The following AGBL4 variants were observed in gnomAD, a reference collection of about 807,000 sequenced individuals.
AGBL4 encodes the protein AGBL carboxypeptidase 4, also known as cytosolic carboxypeptidase 6.
In AGBL4, 58 loss-of-function variants were observed where a neutral mutation model predicts 66.4. The observed-to-expected ratio is 0.87, with a 90% CI of 0.71 to 1.09. The LOEUF is 1.09. Ranked by LOEUF, AGBL4 falls within the 50% of genes least tolerant of loss-of-function variation. The pLI is 0.00. For missense variants in AGBL4, 579 were observed against 631.0 expected, an observed-to-expected ratio of 0.92 and a Z score of 0.88; for synonymous variants, 234 against 222.9, an observed-to-expected ratio of 1.05 and a Z score of -0.44.
At chr1:48,789,449 T>C (rs888389593) in intron 6 of AGBL4, among the ~76,000 whole-genome samples, 3 of 151,942 alleles carry the variant, frequency 2.0e-5, no homozygotes, top group South Asian at 2.1e-4. Context: ...CCACCACGCT[T>C]GGCTAATTTT....
chr1:49,033,844 C>A (rs1664430046), intron 5 of AGBL4, among the ~76,000 whole-genome samples: 1 of 145,398 alleles, frequency 6.9e-6, no homozygotes. Flanking sequence ...TTTTACTTCT[C>A]AGATTTTTAG....
At chr1:48,577,802 GGT>G (rs1431800289) in intron 11 of AGBL4, among the ~76,000 whole-genome samples, 3 of 152,142 alleles carry the variant, frequency 2.0e-5, no homozygotes, top group African/African-American at 7.2e-5. Flanking sequence ...GAGAGTGAGG[GGT>G]GAGAGTAAGG....
intron 3 of AGBL4, among the ~76,000 whole-genome samples, chr1:49,454,368 G>A (rs1054334253): frequency 7.2e-5 from 11 of 151,818 alleles, no homozygotes; most frequent in African/African-American, 2.4e-4. Context: ...TACCAAGAGC[G>A]GCCAAATGTG....
chr1:49,930,207 A>C lies in AGBL4; in HGVS notation c.35-78689T>G, dbSNP rs118009185. On this transcript the variant is annotated intron_variant, in intron 1 of 13. Transcript: ENST00000371839. ...ACAACTTTACACTAATAAATTTGAC[A>C]AATTAGGTAAAATTGATAAATTCCT... Among the ~76,000 whole-genome samples the C allele has an allele frequency of 1.1e-3, 174 of 152,268 alleles. 6 individuals carry two copies. In the East Asian group the frequency reaches 0.03, roughly 26 times the overall value.
At chr1:49,013,641 A>G (rs969690045) in intron 5 of AGBL4, among the ~76,000 whole-genome samples, 3 of 151,952 alleles carry the variant, frequency 2.0e-5, no homozygotes, top group African/African-American at 7.3e-5. Flanking sequence ...TCTGTATTCT[A>G]TTTGCTGCTC....
chr1:49,800,335 A>AT (rs953958973), intron 2 of AGBL4, among the ~76,000 whole-genome samples: 6 of 148,474 alleles, frequency 4.0e-5, no homozygotes, highest in African/African-American at 9.9e-5. Context: ...AACTCCATTT[A>AT]TTTTTTTTAT....
chr1:48,849,288 T>G (rs1160195403), intron 6 of AGBL4, among the ~76,000 whole-genome samples: 1 of 152,232 alleles, frequency 6.6e-6, no homozygotes, highest in African/African-American at 2.4e-5. Flanking sequence ...CCTAAAGCAC[T>G]GGTACAAGCA....
chr1:49,623,734 T>C (rs1645410521), intron 3 of AGBL4, among the ~76,000 whole-genome samples: 1 of 152,196 alleles, frequency 6.6e-6, no homozygotes, highest in Non-Finnish European at 1.5e-5. Context: ...ATAGATTATG[T>C]AAGTGTCAAT....
intron 2 of AGBL4, among the ~76,000 whole-genome samples, chr1:49,717,582 T>C (rs537730967): frequency 6.6e-6 from 1 of 152,156 alleles, no homozygotes; most frequent in East Asian, 1.9e-4. Flanking sequence ...CTGATTCCTC[T>C]CACCTGCCCT....
chr1:49,201,265 C>T (rs1647677685), intron 4 of AGBL4, among the ~76,000 whole-genome samples: 1 of 152,140 alleles, frequency 6.6e-6, no homozygotes, highest in Non-Finnish European at 1.5e-5. Flanking sequence ...CCCCTGTTAA[C>T]TTTCTGTTCA....
intron 9 of AGBL4, 113 bp from the exon 10 acceptor site, chr1:48,591,098 C>CGA (rs373275928): frequency 1.5e-6 from 1 of 661,978 alleles, no homozygotes; most frequent in Non-Finnish European, 2.3e-6. Context: ...CCACCCCCCC[C>CGA]CACACACACA....
Position 49,810,945 on chromosome 1 carries a change from T to A in AGBL4, c.157+40451A>T, listed in dbSNP as rs1041110145. Among the ~76,000 whole-genome samples the A allele has an allele frequency of 3.9e-4, 59 of 152,246 alleles. 1 individual carries two copies. The highest frequency in any genetic ancestry group is 1.3e-3 in the African/African-American group (56 of 41,546). On this transcript the variant is annotated intron_variant, in intron 2 of 13. Coordinates refer to ENST00000371839, the MANE Select transcript of AGBL4 (RefSeq NM_032785.4). ...GCCTGAACTAAGACAATCACAGTAGTCACAGAAAGGGTGGCACAGTATCAA... is the reference window on the plus strand; with the variant it reads ...GCCTGAACTAAGACAATCACAGTAGACACAGAAAGGGTGGCACAGTATCAA...
At chr1:49,000,674 T>C (rs1312277323) in intron 5 of AGBL4, among the ~76,000 whole-genome samples, 1 of 152,232 alleles carries the variant, frequency 6.6e-6, no homozygotes, top group African/African-American at 2.4e-5. Context: ...AAGCCTTAGC[T>C]GTTCCCACTG....
At chr1:49,894,295 A>T (rs1648953357) in intron 1 of AGBL4, among the ~76,000 whole-genome samples, 1 of 152,030 alleles carries the variant, frequency 6.6e-6, no homozygotes, top group African/African-American at 2.4e-5. Flanking sequence ...TAAATACCTA[A>T]CTCTTCAATG....
chr1:49,235,343 T>C (rs1650642631), intron 4 of AGBL4, among the ~76,000 whole-genome samples: 1 of 152,254 alleles, frequency 6.6e-6, no homozygotes, highest in South Asian at 2.1e-4. Flanking sequence ...CTATTATTCC[T>C]GTTGCCCAAG....
chr1:49,492,771 G>A (rs1647223667), intron 3 of AGBL4, among the ~76,000 whole-genome samples: 1 of 151,936 alleles, frequency 6.6e-6, no homozygotes. Flanking sequence ...GAAAGAAACA[G>A]CAGAGCCCTG....
chr1:49,014,917 T>C (rs1662700664), intron 5 of AGBL4, among the ~76,000 whole-genome samples: 1 of 152,226 alleles, frequency 6.6e-6, no homozygotes, highest in African/African-American at 2.4e-5. Flanking sequence ...TACACAGTTA[T>C]CTTACCAATG....
At chr1:49,297,723 CT>C (rs1644668790) in intron 3 of AGBL4, among the ~76,000 whole-genome samples, 1 of 152,076 alleles carries the variant, frequency 6.6e-6, no homozygotes, top group African/African-American at 2.4e-5. Flanking sequence ...AAAAAGTAGA[CT>C]TTTTTTGAGT....
At chr1:49,132,253 G>T (rs1331269656) in intron 4 of AGBL4, among the ~76,000 whole-genome samples, 1 of 151,958 alleles carries the variant, frequency 6.6e-6, no homozygotes, top group East Asian at 1.9e-4. Flanking sequence ...GAAGGTCATT[G>T]TTGGCCTATA....
Sources: gnomAD v4.1 joint callset for allele counts (sites outside exome capture counted in the v4.1 genomes callset) on GRCh38, gnomAD v4.1.1 for gene constraint, MANE v1.5 for transcripts, NCBI Gene and HGNC (gene_info 2026-07-23, HGNC 2026-07-21) for gene names.